Variants in KIAA0825 observed in about 807,000 individuals in gnomAD.
KIAA0825 encodes uncharacterized protein KIAA0825.
KIAA0825 carries 119 observed loss-of-function variants against 147.6 expected under a neutral mutation model. The ratio of observed to expected loss-of-function variants is 0.81; its 90% CI spans 0.69 to 0.94. KIAA0825 has a LOEUF of 0.94. Ranked by LOEUF, KIAA0825 falls within the 40% of genes least tolerant of loss-of-function variation. KIAA0825 has a pLI of 0.00. For missense variants in KIAA0825, 1,381 were observed against 1,472.7 expected, an observed-to-expected ratio of 0.94 and a Z score of 1.02; for synonymous variants, 470 against 518.1, an observed-to-expected ratio of 0.91 and a Z score of 1.26.
At chr5:94,385,292 C>A (rs796531426) in intron 19 of KIAA0825, among the ~76,000 whole-genome samples, 2 of 152,214 alleles carry the variant, frequency 1.3e-5, no homozygotes, top group African/African-American at 4.8e-5. Flanking sequence ...AAGAGCTATC[C>A]CCTGTCACCT....
At chr5:94,339,808 C>G (rs1340501549) in intron 20 of KIAA0825, among the ~76,000 whole-genome samples, 1 of 152,124 alleles carries the variant, frequency 6.6e-6, no homozygotes, top group Non-Finnish European at 1.5e-5. Flanking sequence ...AATTTGGTAG[C>G]ATAAGACTTG....
At chr5:94,163,396 A>G (rs1417846127) in intron 20 of KIAA0825, among the ~76,000 whole-genome samples, 2 of 152,072 alleles carry the variant, frequency 1.3e-5, no homozygotes, top group African/African-American at 4.8e-5. Context: ...CCTTCTTCCG[A>G]CTTTCTTTAC....
At chr5:94,181,895 T>G (rs1769650055) in intron 20 of KIAA0825, among the ~76,000 whole-genome samples, 1 of 152,160 alleles carries the variant, frequency 6.6e-6, no homozygotes, top group African/African-American at 2.4e-5. Flanking sequence ...TAGGTTTAAC[T>G]TAGCTTCTCT....
At chr5:94,362,853 AAC>A (rs1261029131) in intron 20 of KIAA0825, among the ~76,000 whole-genome samples, 2 of 152,234 alleles carry the variant, frequency 1.3e-5, no homozygotes, top group African/African-American at 4.8e-5. Context: ...TCTTATAATC[AAC>A]ACAGTGTATT....
chr5:94,558,238 T>TTTGGAAACAGCCCGCCACCATC (rs1776931558), intron 2 of KIAA0825, among the ~76,000 whole-genome samples: 1 of 152,036 alleles, frequency 6.6e-6, no homozygotes, highest in African/African-American at 2.4e-5. Context: ...CTGCCACCAT[T>TTTGGAAACAGCCCGCCACCATC]TTGGAAACAG....
intron 20 of KIAA0825, among the ~76,000 whole-genome samples, chr5:94,160,657 A>G (rs943592214): frequency 6.7e-6 from 1 of 148,694 alleles, no homozygotes; most frequent in African/African-American, 2.5e-5. Flanking sequence ...TTAAATATAT[A>G]CTGTATGTAT....
rs185035212 is a variant in KIAA0825 at position 94,383,887 on chromosome 5, A to C, written c.3710+481T>G. 5.3e-5 allele frequency among the ~76,000 whole-genome samples: 8 copies of C among 152,056 alleles called. 1 individual carries two copies. The East Asian group carries it at 1.4e-3, about 26-fold the overall frequency. ...AAGACAGTACCAACATAACTGGCTGAAAAGTGAAAAATTCAATCATGACAG... is the reference window on the plus strand; with the variant it reads ...AAGACAGTACCAACATAACTGGCTGCAAAGTGAAAAATTCAATCATGACAG... On this transcript the variant is annotated intron_variant, in intron 20 of 20. Transcript: ENST00000682413.
intron 2 of KIAA0825, among the ~76,000 whole-genome samples, chr5:94,578,492 T>A (rs1781466179): frequency 6.6e-6 from 1 of 152,210 alleles, no homozygotes; most frequent in Non-Finnish European, 1.5e-5. Context: ...ATTACCTGCC[T>A]CTATATAAAT....
intron 1 of KIAA0825, among the ~76,000 whole-genome samples, chr5:94,596,259 C>G (rs909077608): frequency 6.6e-6 from 1 of 152,088 alleles, no homozygotes; most frequent in Non-Finnish European, 1.5e-5. Context: ...GATTTTTGTA[C>G]ATCATATAAG....
At chr5:94,227,636 C>T (rs968317733) in intron 20 of KIAA0825, among the ~76,000 whole-genome samples, 28 of 150,888 alleles carry the variant, frequency 1.9e-4, no homozygotes, top group African/African-American at 4.1e-4. Flanking sequence ...TGGGATACTA[C>T]GCAGCCATAA....
chr5:94,361,814 C>A (rs1180528716), intron 20 of KIAA0825, among the ~76,000 whole-genome samples: 1 of 152,136 alleles, frequency 6.6e-6, no homozygotes, highest in Admixed American at 6.5e-5. Flanking sequence ...CATCTCAGAC[C>A]TGCCAGTTCA....
intron 20 of KIAA0825, among the ~76,000 whole-genome samples, chr5:94,168,739 C>A (rs1399238224): frequency 2.0e-5 from 3 of 152,120 alleles, no homozygotes; most frequent in Non-Finnish European, 4.4e-5. Flanking sequence ...AGAGAAGTGT[C>A]AGGACTACTA....
intron 20 of KIAA0825, among the ~76,000 whole-genome samples, chr5:94,254,619 T>C (rs1776147654): frequency 6.6e-6 from 1 of 152,206 alleles, no homozygotes; most frequent in Non-Finnish European, 1.5e-5. Context: ...CTTCAAAACA[T>C]TTAATGGGCT....
At chr5:94,541,769 G>A (rs899969906) in intron 2 of KIAA0825, among the ~76,000 whole-genome samples, 9 of 152,132 alleles carry the variant, frequency 5.9e-5, no homozygotes, top group African/African-American at 2.2e-4. Flanking sequence ...TTAAGAATTC[G>A]GTTTGACACC....
At chr5:94,544,923 C>T (rs933475419) in intron 2 of KIAA0825, among the ~76,000 whole-genome samples, 2 of 152,038 alleles carry the variant, frequency 1.3e-5, no homozygotes, top group Admixed American at 6.6e-5. Context: ...GTGGCTTTAA[C>T]TTCCTATCAC....
At chr5:94,207,735 T>C (rs752078805) in intron 20 of KIAA0825, among the ~76,000 whole-genome samples, 3 of 152,118 alleles carry the variant, frequency 2.0e-5, no homozygotes, top group Non-Finnish European at 4.4e-5. Context: ...ATAAAACTGA[T>C]AGGATTTGCC....
chr5:94,373,220 C>CT (rs1459460896), intron 20 of KIAA0825, among the ~76,000 whole-genome samples: 1 of 152,186 alleles, frequency 6.6e-6, no homozygotes, highest in Non-Finnish European at 1.5e-5. Context: ...TCTGAATCCT[C>CT]TAAACTGTTC....
intron 14 of KIAA0825, among the ~76,000 whole-genome samples, chr5:94,428,140 TTGTTGTGTG>T (rs1755140982): frequency 7.1e-6 from 1 of 140,490 alleles, no homozygotes; most frequent in Non-Finnish European, 1.5e-5. Context: ...GGATAAGGTC[TTGTTGTGTG>T]TGTGTGTGTG....
intron 20 of KIAA0825, among the ~76,000 whole-genome samples, chr5:94,179,116 G>C (rs554458916): frequency 1.2e-4 from 18 of 152,158 alleles, no homozygotes; most frequent in Admixed American, 4.6e-4. Context: ...TGGTTGCCAG[G>C]GGTTGAGAAT....
Sources: allele counts gnomAD v4.1 joint callset (sites outside exome capture counted in the v4.1 genomes callset), GRCh38; gene constraint gnomAD v4.1.1; transcripts MANE v1.5; gene names NCBI Gene and HGNC (gene_info 2026-07-23, HGNC 2026-07-21).